Variants in NOL4 observed in about 807,000 individuals in gnomAD.
The protein encoded by NOL4 is cancer/testis antigen 125.
In NOL4, 17 loss-of-function variants were observed where a neutral mutation model predicts 75.9. The ratio of observed to expected loss-of-function variants is 0.22; its 90% CI spans 0.15 to 0.34. The LOEUF (loss-of-function observed/expected upper bound fraction) is 0.34, where lower values mean the gene tolerates loss of function less well. Ranked by LOEUF, NOL4 falls within the 10% of genes least tolerant of loss-of-function variation. NOL4 has a pLI of 1.00. For missense variants in NOL4, 614 were observed against 793.5 expected, an observed-to-expected ratio of 0.77 and a Z score of 2.72; for synonymous variants, 292 against 289.9, an observed-to-expected ratio of 1.01 and a Z score of -0.07.
chr18:33,940,671 T>C (rs1413718737), intron 9 of NOL4, among the ~76,000 whole-genome samples: 1 of 151,860 alleles, frequency 6.6e-6, no homozygotes, highest in Non-Finnish European at 1.5e-5. Flanking sequence ...TCTGCACATG[T>C]ATCCCAGAAC....
intron 5 of NOL4, among the ~76,000 whole-genome samples, chr18:34,046,463 T>C (rs923866420): frequency 6.6e-6 from 1 of 151,490 alleles, no homozygotes; most frequent in Admixed American, 6.6e-5. Flanking sequence ...TCAAAAGACA[T>C]AAGCACAGAA....
At chr18:34,081,178 T>C (rs902159087) in intron 5 of NOL4, among the ~76,000 whole-genome samples, 2 of 152,184 alleles carry the variant, frequency 1.3e-5, no homozygotes, top group Non-Finnish European at 2.9e-5. Flanking sequence ...GACCACAATA[T>C]CTTTTAAGTA....
At chr18:34,177,430 C>T (rs765924620) in intron 1 of NOL4, among the ~76,000 whole-genome samples, 2 of 151,764 alleles carry the variant, frequency 1.3e-5, no homozygotes, top group Non-Finnish European at 2.9e-5. Context: ...ATTTATTGTA[C>T]GTCAATCATA....
intron 5 of NOL4, among the ~76,000 whole-genome samples, chr18:34,033,837 C>G (rs1002933553): frequency 1.4e-4 from 21 of 151,758 alleles, no homozygotes; most frequent in Non-Finnish European, 2.5e-4. Flanking sequence ...CTCCATTAGA[C>G]TAATAGAATT....
At chr18:34,152,679 G>A (rs1600735051) in intron 1 of NOL4, among the ~76,000 whole-genome samples, 3 of 151,888 alleles carry the variant, frequency 2.0e-5, no homozygotes, top group Middle Eastern at 6.8e-3. Flanking sequence ...AAGTGAGAAG[G>A]CAATACAATA....
intron 6 of NOL4, among the ~76,000 whole-genome samples, chr18:34,016,657 T>C (rs1357223204): frequency 6.6e-6 from 1 of 152,144 alleles, no homozygotes; most frequent in African/African-American, 2.4e-5. Flanking sequence ...CAATCTCTCT[T>C]TAGAGTTTTC....
At chr18:34,029,787 T>C (rs917024328) in intron 5 of NOL4, among the ~76,000 whole-genome samples, 4 of 152,208 alleles carry the variant, frequency 2.6e-5, no homozygotes, top group Non-Finnish European at 5.9e-5. Context: ...GGATTGAGCA[T>C]TATTTTCTAG....
intron 5 of NOL4, among the ~76,000 whole-genome samples, chr18:34,023,943 C>A (rs984865619): frequency 3.8e-4 from 57 of 151,854 alleles, no homozygotes; most frequent in Middle Eastern, 6.8e-3. Context: ...TTAAGTTATC[C>A]CACCAGCATT....
At chr18:34,221,701 T>TACATCCTTCAAACA (rs1179235677) in intron 1 of NOL4, 1 of 221,682 alleles carries the variant, frequency 4.5e-6, no homozygotes, top group Non-Finnish European at 8.7e-6. Context: ...AAAATAAATA[T>TACATCCTTCAAACA]ACATCCTTCA....
chr18:34,016,188 T>C (rs2074682121), intron 6 of NOL4, among the ~76,000 whole-genome samples: 2 of 152,096 alleles, frequency 1.3e-5, no homozygotes, highest in South Asian at 4.1e-4. Flanking sequence ...AAATAACATG[T>C]TCAGTAATTT....
At chr18:34,140,329 T>C (rs1025861145) in intron 1 of NOL4, among the ~76,000 whole-genome samples, 1 of 152,168 alleles carries the variant, frequency 6.6e-6, no homozygotes, top group African/African-American at 2.4e-5. Flanking sequence ...TCTTTGTATG[T>C]CTCTAAGGAC....
chr18:34,069,873 TCTC>T (rs1390825945), intron 5 of NOL4, among the ~76,000 whole-genome samples: 2 of 152,164 alleles, frequency 1.3e-5, no homozygotes, highest in Admixed American at 6.5e-5. Context: ...AACAGACAGA[TCTC>T]CTAATTTTAG....
At chr18:34,024,896 T>C (rs2144558028) in intron 5 of NOL4, among the ~76,000 whole-genome samples, 1 of 152,320 alleles carries the variant, frequency 6.6e-6, no homozygotes, top group South Asian at 2.1e-4. Flanking sequence ...TAATTTATTT[T>C]GGTTGAGGTC....
chr18:34,124,391 T>C (rs1352913106), intron 2 of NOL4, among the ~76,000 whole-genome samples: 1 of 152,200 alleles, frequency 6.6e-6, no homozygotes, highest in Admixed American at 6.5e-5. Flanking sequence ...AAGAAATGTA[T>C]GTAATTCTCA....
intron 10 of NOL4, among the ~76,000 whole-genome samples, chr18:33,862,907 C>A (rs562886407): frequency 1.3e-5 from 2 of 152,230 alleles, no homozygotes; most frequent in Admixed American, 6.5e-5. Context: ...TTGACCCAGC[C>A]ATCCCATTAC....
intron 2 of NOL4, among the ~76,000 whole-genome samples, chr18:34,108,365 TAA>T (rs2079414684): frequency 6.6e-6 from 1 of 152,004 alleles, no homozygotes; most frequent in Non-Finnish European, 1.5e-5. Flanking sequence ...ACATTAAATA[TAA>T]ATGGATCAAA....
chr18:34,152,497 C>T (rs948185697), intron 1 of NOL4, among the ~76,000 whole-genome samples: 1 of 151,814 alleles, frequency 6.6e-6, no homozygotes, highest in Non-Finnish European at 1.5e-5. Flanking sequence ...CACAGTGAAT[C>T]CTACACAGGA....
intron 9 of NOL4, among the ~76,000 whole-genome samples, chr18:33,895,371 A>G (rs1291107834): frequency 6.6e-6 from 1 of 152,114 alleles, no homozygotes; most frequent in Admixed American, 6.6e-5. Context: ...ACAGGTTTAA[A>G]TGTAACACTT....
At chr18:33,940,233 C>T (rs1194765537) in intron 9 of NOL4, among the ~76,000 whole-genome samples, 2 of 152,058 alleles carry the variant, frequency 1.3e-5, no homozygotes, top group Non-Finnish European at 1.5e-5. Flanking sequence ...AATCATTCTG[C>T]TATAAAGACA....
Sources: gnomAD v4.1 joint callset for allele counts (sites outside exome capture counted in the v4.1 genomes callset) on GRCh38, gnomAD v4.1.1 for gene constraint, MANE v1.5 for transcripts, NCBI Gene and HGNC (gene_info 2026-07-23, HGNC 2026-07-21) for gene names.